ASB3: variants seen among roughly 807,000 people sequenced by gnomAD.
ASB3 encodes the protein ankyrin repeat and SOCS box protein 3.
ASB3 carries 41 observed loss-of-function variants against 54.5 expected under a neutral mutation model. The observed-to-expected ratio is 0.75, with a 90% CI of 0.59 to 0.98. The LOEUF (loss-of-function observed/expected upper bound fraction) is 0.98, where lower values mean the gene tolerates loss of function less well. Among genes scored for constraint, ASB3 ranks in the 50% least tolerant of loss-of-function variants. The pLI, the probability that ASB3 is intolerant of heterozygous loss-of-function variation, is 0.00. For synonymous variants in ASB3, 266 were observed against 221.2 expected, an observed-to-expected ratio of 1.20 and a Z score of -1.80; for missense variants, 733 against 620.0, an observed-to-expected ratio of 1.18 and a Z score of -1.94.
At chr2:53,706,474 T>C (rs529043647) in intron 7 of ASB3, among the ~76,000 whole-genome samples, 1 of 152,020 alleles carries the variant, frequency 6.6e-6, no homozygotes, top group Admixed American at 6.6e-5. Context: ...TTGAATCTGC[T>C]ATGTTGCCCA....
At chr2:53,756,301 TAC>T (rs1672822036) in intron 2 of ASB3, among the ~76,000 whole-genome samples, 1 of 152,232 alleles carries the variant, frequency 6.6e-6, no homozygotes, top group Non-Finnish European at 1.5e-5. Flanking sequence ...CACTCAGATT[TAC>T]ATTTACTTGA....
chr2:53,740,179 T>C (rs2103960612), intron 3 of ASB3, among the ~76,000 whole-genome samples: 1 of 152,336 alleles, frequency 6.6e-6, no homozygotes, highest in East Asian at 1.9e-4. Flanking sequence ...CTTTTTTGAG[T>C]TCTACATGTA....
chr2:53,750,693 G>T, intron 3 of ASB3, 90 bp downstream of exon 3: 1 of 1,344,806 alleles, frequency 7.4e-7, no homozygotes, highest in Non-Finnish European at 9.7e-7. Flanking sequence ...CATACTATAA[G>T]CACAACAGCT....
intron 2 of ASB3, among the ~76,000 whole-genome samples, chr2:53,764,901 C>A (rs965923121): frequency 7.9e-5 from 12 of 152,070 alleles, no homozygotes; most frequent in African/African-American, 2.7e-4. Context: ...CATCTGTTTC[C>A]TCTGACAAGA....
intron 9 of ASB3, among the ~76,000 whole-genome samples, chr2:53,690,862 A>C (rs1668875564): frequency 6.6e-6 from 1 of 152,178 alleles, no homozygotes; most frequent in Non-Finnish European, 1.5e-5. Context: ...CCTTTAAAGG[A>C]TCCCTTCTAG....
At chr2:53,784,928 A>C (rs1674854510) in intron 1 of ASB3, among the ~76,000 whole-genome samples, 1 of 152,170 alleles carries the variant, frequency 6.6e-6, no homozygotes. Flanking sequence ...ATCTTCACAA[A>C]TGTACATCGG....
At chr2:53,703,710 G>A (rs1160987451) in intron 7 of ASB3, among the ~76,000 whole-genome samples, 2 of 152,050 alleles carry the variant, frequency 1.3e-5, no homozygotes, top group Non-Finnish European at 2.9e-5. Context: ...AATACAACAG[G>A]TCAATAGTGC....
intron 3 of ASB3, among the ~76,000 whole-genome samples, chr2:53,736,493 T>G (rs1671636482): frequency 6.7e-6 from 1 of 149,450 alleles, no homozygotes; most frequent in Admixed American, 6.7e-5. Flanking sequence ...GGTCAGGAAA[T>G]CGAGACCATC....
chr2:53,716,182 A>G (rs1449407583), intron 6 of ASB3, among the ~76,000 whole-genome samples: 2 of 152,218 alleles, frequency 1.3e-5, no homozygotes, highest in African/African-American at 4.8e-5. Context: ...CAGGCATCAC[A>G]AACTCAAAAG....
At chr2:53,671,695 G>GAGCAATTAATTTCCCTGTGAAA (rs1553367660) in intron 9 of ASB3, among the ~76,000 whole-genome samples, 31 of 145,962 alleles carry the variant, frequency 2.1e-4, no homozygotes, top group Non-Finnish European at 2.3e-4. Context: ...GGAGGCGGAG[G>GAGCAATTAATTTCCCTGTGAAA]TTGCAGTGAG....
At chr2:53,772,205 A>C (rs574922677) in intron 1 of ASB3, among the ~76,000 whole-genome samples, 24 of 152,126 alleles carry the variant, frequency 1.6e-4, no homozygotes, top group East Asian at 5.8e-4. Flanking sequence ...GACAGAGTCT[A>C]GCTCTGTCGC....
chr2:53,702,888 G>C (rs1344370240), intron 7 of ASB3, among the ~76,000 whole-genome samples: 2 of 152,160 alleles, frequency 1.3e-5, no homozygotes, highest in African/African-American at 4.8e-5. Context: ...CAACTTATTA[G>C]GTGAATTATA....
At chr2:53,735,922 C>G (rs1671601198) in intron 3 of ASB3, among the ~76,000 whole-genome samples, 1 of 151,478 alleles carries the variant, frequency 6.6e-6, no homozygotes, top group Non-Finnish European at 1.5e-5. Flanking sequence ...AATCTTCACC[C>G]CTGTCCCACA....
At chr2:53,744,644 A>C (rs913365204) in intron 3 of ASB3, among the ~76,000 whole-genome samples, 1 of 152,098 alleles carries the variant, frequency 6.6e-6, no homozygotes, top group African/African-American at 2.4e-5. Flanking sequence ...CTAAAAAAAA[A>C]CCTCCAAAGC....
Position 53,714,476 on chromosome 2 carries a change from T to C in ASB3, c.888A>G (p.Leu296=). The C allele has an allele frequency of 1.2e-6, 2 of 1,614,260 alleles. No individual in the cohort carries two copies. The highest frequency in any genetic ancestry group is 1.1e-5 in the South Asian group (1 of 91,086). The change falls in exon 7 of 10, where the codon CTA becomes CTG. Residue 296 remains leucine, a synonymous_variant. Coordinates refer to ENST00000263634, the MANE Select transcript of ASB3 (RefSeq NM_016115.5). ...SAVFGGHEDC[L]EILLRNGYSP... is the part of the protein sequence containing the mutation. ...TGTAGCCATTCCGGAGTAATATTTC[T>C]AGGCAATCTTCATGTCCCCCAAACA... is the stretch of plus-strand genomic sequence containing the variant.
At position 53,720,235 on chromosome 2, in the gene ASB3, A is replaced by G. The variant is rs553505818; in HGVS notation, c.605-3492T>C. Reference sequence around the variant, plus strand: ...TTGTCCCGCTTTTCCAGACAGAACCAATGTATATCTTATATATGTTGATTG... The same window carrying G: ...TTGTCCCGCTTTTCCAGACAGAACCGATGTATATCTTATATATGTTGATTG... On this transcript the variant is annotated intron_variant, in intron 5 of 9. Coordinates refer to ENST00000263634, the MANE Select transcript of ASB3 (RefSeq NM_016115.5). Among the ~76,000 whole-genome samples, 268 of 152,134 alleles carry G rather than the reference A, an allele frequency of 1.8e-3. 1 individual carries two copies. Among genetic ancestry groups the G allele is most frequent in the Non-Finnish European group, 3.2e-3 (219 of 68,018 alleles).
Position 53,714,489 on chromosome 2 carries a change from T to C in ASB3, c.875A>G (p.His292Arg), listed in dbSNP as rs779941690. ...GAGTAATATTTCTAGGCAATCTTCA[T>C]GTCCCCCAAACACTGCTGAGTAAAC... ...SPVYSAVFGG[H>R]EDCLEILLRN... is the part of the protein sequence containing the mutation. The change falls in exon 7 of 10, where the codon CAT becomes CGT. Residue 292 changes from histidine to arginine, a missense_variant. His to Arg is a conservative substitution (Grantham distance 29). Transcript: ENST00000263634. The C allele has an allele frequency of 2.0e-5, 33 of 1,614,228 alleles. No homozygotes were observed. In the South Asian group the frequency reaches 2.9e-4, roughly 14 times the overall value.
intron 8 of ASB3, among the ~76,000 whole-genome samples, chr2:53,696,264 T>C (rs1478696318): frequency 6.6e-6 from 1 of 152,242 alleles, no homozygotes; most frequent in African/African-American, 2.4e-5. Context: ...GTTTCACAAC[T>C]TACTTCAAAA....
intron 2 of ASB3, among the ~76,000 whole-genome samples, chr2:53,754,598 G>A (rs1672711370): frequency 6.6e-6 from 1 of 152,142 alleles, no homozygotes; most frequent in African/African-American, 2.4e-5. Flanking sequence ...GATTGAGGCT[G>A]CAACTTTGAC....
Sources: allele counts gnomAD v4.1 joint callset (sites outside exome capture counted in the v4.1 genomes callset), GRCh38; gene constraint gnomAD v4.1.1; transcripts MANE v1.5; gene names NCBI Gene and HGNC (gene_info 2026-07-23, HGNC 2026-07-21).